CBR4: variants seen among roughly 807,000 people sequenced by gnomAD.
CBR4 encodes the protein carbonyl reductase 4, also known as 3-oxoacyl-[acyl-carrier-protein] reductase.
Under a neutral mutation model 21.0 loss-of-function variants are expected in CBR4, and 22 were observed. That is an observed-to-expected ratio of 1.05 (90% CI 0.75 to 1.50). The LOEUF is 1.50. Among genes scored for constraint, CBR4 ranks in the 40% most tolerant of loss-of-function variants. CBR4 has a pLI of 0.00. For missense variants in CBR4, 302 were observed against 286.3 expected (o/e 1.05, Z -0.40); for synonymous variants, 100 against 104.4 (o/e 0.96, Z 0.26).
At chr4:168,993,892 A>C (rs956252167) in intron 4 of CBR4, among the ~76,000 whole-genome samples, 2 of 152,160 alleles carry the variant, frequency 1.3e-5, no homozygotes, top group Non-Finnish European at 2.9e-5. Context: ...GTTAAAAAAA[A>C]CCACTGGATT....
At chr4:168,900,170 T>C (rs936340064) in intron 2 of CBR4, among the ~76,000 whole-genome samples, 1 of 152,190 alleles carries the variant, frequency 6.6e-6, no homozygotes, top group Non-Finnish European at 1.5e-5. Flanking sequence ...ACCAAGGGGA[T>C]GGTGCTAAAC....
intron 2 of CBR4, chr4:168,924,547 T>G (rs1762205621): frequency 2.0e-6 from 2 of 987,592 alleles, no homozygotes; most frequent in Non-Finnish European, 1.6e-6. Flanking sequence ...TTTGATGAAA[T>G]CAATCAAAGA....
chr4:168,914,199 A>C, intron 2 of CBR4: 1 of 615,730 alleles, frequency 1.6e-6, no homozygotes, highest in Middle Eastern at 4.3e-4. Context: ...GCAGAAAGGG[A>C]ATGGGAACAA....
At chr4:168,968,794 A>G (rs1278753749) in intron 2 of CBR4, among the ~76,000 whole-genome samples, 1 of 152,190 alleles carries the variant, frequency 6.6e-6, no homozygotes, top group East Asian at 1.9e-4. Context: ...ATATAGTATT[A>G]TTTCCGATTT....
chr4:168,998,960 T>C (rs1007983947), intron 4 of CBR4, among the ~76,000 whole-genome samples: 8 of 152,160 alleles, frequency 5.3e-5, no homozygotes, highest in Non-Finnish European at 1.0e-4. Flanking sequence ...TTTTGTACTT[T>C]TGAATTTCGT....
chr4:168,970,871 C>T (rs565217199), intron 2 of CBR4, among the ~76,000 whole-genome samples: 8 of 151,944 alleles, frequency 5.3e-5, no homozygotes, highest in African/African-American at 1.9e-4. Flanking sequence ...TTCATCTACT[C>T]GTTGGTTGAT....
chr4:168,905,790 C>CTTTTTTTTTTTTTTT (rs59427697), intron 2 of CBR4, among the ~76,000 whole-genome samples: 72 of 113,132 alleles, frequency 6.4e-4, no homozygotes, highest in Non-Finnish European at 9.0e-4. Context: ...GCTTTTTTTT[C>CTTTTTTTTTTTTTTT]TTTTTTTTTT....
chr4:168,910,604 A>T (rs1463907577), intron 2 of CBR4, among the ~76,000 whole-genome samples: 1 of 152,190 alleles, frequency 6.6e-6, no homozygotes. Context: ...TTCATGCAAA[A>T]CACAATGCTG....
intron 2 of CBR4, among the ~76,000 whole-genome samples, chr4:168,967,253 A>G (rs973007619): frequency 2.0e-5 from 3 of 152,186 alleles, no homozygotes; most frequent in African/African-American, 4.8e-5. Context: ...AACTATTACA[A>G]GGACAGCAAA....
chr4:168,931,270 A>G (rs1390424305), intron 2 of CBR4, among the ~76,000 whole-genome samples: 1 of 152,200 alleles, frequency 6.6e-6, no homozygotes, highest in Non-Finnish European at 1.5e-5. Context: ...AAGCCTGAGA[A>G]ACAGCCCAAT....
intron 3 of CBR4, among the ~76,000 whole-genome samples, chr4:169,004,718 G>A (rs1730756413): frequency 1.3e-5 from 2 of 152,120 alleles, no homozygotes; most frequent in South Asian, 4.1e-4. Context: ...TACAATATCT[G>A]CGAGACATGC....
rs17054576 is a variant in CBR4 at position 168,921,891 on chromosome 4, A to T, written n.170-27126T>A. 86,846 of 712,432 alleles carry T rather than the reference A, an allele frequency of 0.12. 5,988 individuals are homozygous for T. The highest frequency in any genetic ancestry group is 0.25 in the African/African-American group (14,315 of 56,974). The allele number at this position is 712,432 out of a possible 1,614,324, so 44.1% of individuals were successfully genotyped here. A position where few individuals can be genotyped will look rare whatever the true frequency, so the allele number is the denominator to read the frequency against. ...AATAGCCAATGAGGACATGGTTATA[A>T]GGCCTAGCAAAACAGAAACAGAAAT... On this transcript the variant is annotated intron_variant and non_coding_transcript_variant, in intron 2 of 3. Coordinates refer to the CBR4 transcript ENST00000509108.
intron 2 of CBR4, chr4:168,898,839 G>A (rs760889113): frequency 1.9e-4 from 140 of 745,358 alleles, no homozygotes; most frequent in Non-Finnish European, 3.1e-4. Flanking sequence ...GATATAAAGG[G>A]TTTTAAATAT....
At chr4:168,913,261 C>G in intron 2 of CBR4, among the ~76,000 whole-genome samples, 1 of 151,754 alleles carries the variant, frequency 6.6e-6, no homozygotes, top group East Asian at 1.9e-4. Context: ...CTCAGCCTCC[C>G]AAGTAGCTGG....
chr4:168,991,499 C>T (rs1421362287), intron 4 of CBR4, among the ~76,000 whole-genome samples: 1 of 152,092 alleles, frequency 6.6e-6, no homozygotes. Flanking sequence ...ACGGTCATAT[C>T]CAATTCTGAT....
intron 2 of CBR4, among the ~76,000 whole-genome samples, chr4:168,976,062 G>A (rs1764361900): frequency 1.3e-5 from 2 of 152,164 alleles, no homozygotes; most frequent in Admixed American, 1.3e-4. Flanking sequence ...CTCCCCACCT[G>A]CCAACATGTT....
chr4:168,896,208 CA>C (rs35567491), intron 2 of CBR4, among the ~76,000 whole-genome samples: 1,460 of 132,156 alleles, frequency 0.011, 20 homozygotes, highest in African/African-American at 0.037. Context: ...GACTCCATCT[CA>C]AAAAAAAAAA....
intron 2 of CBR4, 137 bp downstream of exon 2, chr4:169,007,499 G>C: frequency 2.2e-6 from 1 of 453,790 alleles, no homozygotes; most frequent in Admixed American, 4.4e-5. Context: ...AATAATTTAT[G>C]GATTGACAAG....
chr4:168,994,745 A>ATTTTTTTTTT (rs5863973), intron 4 of CBR4, among the ~76,000 whole-genome samples: 1 of 48,784 alleles, frequency 2.0e-5, no homozygotes, highest in Non-Finnish European at 3.8e-5. Flanking sequence ...CGCCTGGCTA[A>ATTTTTTTTTT]TTTTTTTTTT....
Sources: gnomAD v4.1 joint callset for allele counts (sites outside exome capture counted in the v4.1 genomes callset) on GRCh38, gnomAD v4.1.1 for gene constraint, MANE v1.5 for transcripts, NCBI Gene and HGNC (gene_info 2026-07-23, HGNC 2026-07-21) for gene names.